Variants in COL11A1 observed in about 807,000 individuals in gnomAD.
The protein encoded by COL11A1 is collagen type XI alpha 1 chain, also known as collagen alpha-1(XI) chain.
A neutral mutation model predicts 265.2 loss-of-function variants in COL11A1; 74 were observed. The observed-to-expected ratio is 0.28, with a 90% CI of 0.23 to 0.34. The LOEUF (loss-of-function observed/expected upper bound fraction) is 0.34. Among genes scored for constraint, COL11A1 ranks in the 10% least tolerant of loss-of-function variants. COL11A1 has a pLI of 1.00. For synonymous variants in COL11A1, 816 were observed against 727.6 expected, an observed-to-expected ratio of 1.12 and a Z score of -1.96; for missense variants, 2,165 against 2,263.6, an observed-to-expected ratio of 0.96 and a Z score of 0.88.
At position 102,877,304 on chromosome 1, in the gene COL11A1, T is replaced by C. The variant is rs886044971; in HGVS notation, c.*715A>G. On this transcript the variant is annotated 3_prime_UTR_variant, in exon 67 of 67. Coordinates refer to ENST00000370096, the MANE Select transcript of COL11A1 (RefSeq NM_001854.4). ...GAATAAAGCATCAAAATGCATAATATTTTTGGCTGAAATTCAGCAAAATGA... is the reference window on the plus strand; with the variant it reads ...GAATAAAGCATCAAAATGCATAATACTTTTGGCTGAAATTCAGCAAAATGA... 1.3e-5 allele frequency: 2 copies of C among 152,542 alleles called. No individual in the cohort carries two copies. Among genetic ancestry groups the C allele is most frequent in the Non-Finnish European group, 2.9e-5 (2 of 68,004 alleles). The allele number at this position is 152,542 out of a possible 1,614,324, so 9.4% of individuals were successfully genotyped here. A position where few individuals can be genotyped will look rare whatever the true frequency, so the allele number is the denominator to read the frequency against.
Position 102,913,818 on chromosome 1 carries a change from T to C in COL11A1, c.3979-128A>G, listed in dbSNP as rs567582168. Reference sequence around the variant, plus strand: ...ATCAGATGGACAAGTAAAATCATTATATTCTTTTAACCTTTTTTAAAAAGA... The same window carrying C: ...ATCAGATGGACAAGTAAAATCATTACATTCTTTTAACCTTTTTTAAAAAGA... On this transcript the variant is annotated intron_variant, in intron 52 of 66. Transcript: ENST00000370096. 1.4e-4 allele frequency: 126 copies of C among 889,254 alleles called. 1 individual carries two copies. In the East Asian group the frequency reaches 3.1e-3, roughly 22 times the overall value. 55.1% of individuals were successfully genotyped at this position (889,254 alleles called of 1,614,324 possible). A position where few individuals can be genotyped will look rare whatever the true frequency, so the allele number is the denominator to read the frequency against.
At chr1:102,970,874 C>A (rs889027250) in intron 36 of COL11A1, among the ~76,000 whole-genome samples, 2 of 151,970 alleles carry the variant, frequency 1.3e-5, no homozygotes, top group African/African-American at 4.8e-5. Flanking sequence ...AGTAGCCGGG[C>A]GTGGTGGCAC....
chr1:102,976,745 A>T (rs964471641), intron 35 of COL11A1, among the ~76,000 whole-genome samples: 5 of 152,140 alleles, frequency 3.3e-5, no homozygotes, highest in South Asian at 2.1e-4. Context: ...ATAATGAATA[A>T]TTTTAATATG....
intron 49 of COL11A1, among the ~76,000 whole-genome samples, chr1:102,915,889 AG>A (rs1655275227): frequency 6.6e-6 from 1 of 152,208 alleles, no homozygotes. Flanking sequence ...AGAAATATGC[AG>A]GCTTGATGCT....
chr1:102,905,087 A>G (rs1249457838), intron 54 of COL11A1, among the ~76,000 whole-genome samples: 2 of 151,742 alleles, frequency 1.3e-5, no homozygotes, highest in Non-Finnish European at 1.5e-5. Context: ...CATGGATGAA[A>G]CTGGAAACCA....
At position 103,003,272 on chromosome 1, in the gene COL11A1, G is replaced by C. The variant is rs369850252; in HGVS notation, c.1945-4C>G. On this transcript the variant is annotated splice_region_variant and splice_polypyrimidine_tract_variant and intron_variant, in intron 20 of 66. Coordinates refer to ENST00000370096, the MANE Select transcript of COL11A1 (RefSeq NM_001854.4). ...GACCCAGCAAACCTCGTGGGCCCTA[G>C]GAGAAAAAGAAAAAGCACGCCTTTA... 1.8e-5 allele frequency: 29 copies of C among 1,611,812 alleles called. No individual in the cohort carries two copies. The highest frequency in any genetic ancestry group is 2.4e-5 in the Non-Finnish European group (28 of 1,179,280).
At chr1:102,949,925 G>A (rs1023617147) in intron 41 of COL11A1, among the ~76,000 whole-genome samples, 7 of 152,142 alleles carry the variant, frequency 4.6e-5, no homozygotes, top group African/African-American at 1.2e-4. Context: ...TGATGAAAAT[G>A]CTTGTCTCCT....
At chr1:103,071,467 C>CTTTTTTTTTTT (rs869263393) in intron 4 of COL11A1, among the ~76,000 whole-genome samples, 2 of 49,892 alleles carry the variant, frequency 4.0e-5, no homozygotes, top group Non-Finnish European at 7.7e-5. Flanking sequence ...GTTGGTAGGA[C>CTTTTTTTTTTT]TTTTTTTTTT....
At chr1:103,046,259 T>G (rs12048863) in intron 4 of COL11A1, among the ~76,000 whole-genome samples, 22,192 of 42,374 alleles carry the variant, frequency 0.52, 7,137 homozygotes, top group East Asian at 0.91. Context: ...TTCCTATTTC[T>G]CCACATCCTC....
At chr1:102,982,059 T>G (rs981107328) in intron 31 of COL11A1, among the ~76,000 whole-genome samples, 11 of 152,074 alleles carry the variant, frequency 7.2e-5, no homozygotes, top group African/African-American at 1.9e-4. Flanking sequence ...TTTTCATTTT[T>G]GATGTCCCAG....
At chr1:102,893,010 G>T (rs185936471) in intron 57 of COL11A1, among the ~76,000 whole-genome samples, 3 of 152,206 alleles carry the variant, frequency 2.0e-5, no homozygotes, top group Admixed American at 2.0e-4. Context: ...AGACCACAAT[G>T]AAATTGTCAA....
intron 41 of COL11A1, among the ~76,000 whole-genome samples, chr1:102,951,629 A>G (rs1336892637): frequency 6.6e-6 from 1 of 151,970 alleles, no homozygotes; most frequent in Non-Finnish European, 1.5e-5. Context: ...AGTCCCAGCT[A>G]CTCGGGAGGC....
intron 35 of COL11A1, 91 bp from the exon 36 acceptor site, chr1:102,974,974 A>C: frequency 1.1e-6 from 1 of 911,690 alleles, no homozygotes; most frequent in Non-Finnish European, 1.8e-6. Context: ...GACAAAATAC[A>C]ATGTATCATA....
intron 54 of COL11A1, among the ~76,000 whole-genome samples, chr1:102,909,165 G>A (rs1353076976): frequency 6.6e-6 from 1 of 152,140 alleles, no homozygotes; most frequent in Non-Finnish European, 1.5e-5. Context: ...TACCTTTCCA[G>A]GATGGGTGTG....
intron 28 of COL11A1, among the ~76,000 whole-genome samples, chr1:102,993,754 G>T (rs1408054698): frequency 4.6e-5 from 7 of 152,148 alleles, no homozygotes; most frequent in Non-Finnish European, 1.0e-4. Context: ...GCCCAGGCTG[G>T]TCTTGAACTA....
At chr1:103,003,749 C>A (rs960845670) in intron 20 of COL11A1, among the ~76,000 whole-genome samples, 2 of 152,112 alleles carry the variant, frequency 1.3e-5, no homozygotes, top group African/African-American at 2.4e-5. Context: ...ATTACAGAAA[C>A]CATTTTTCGA....
intron 5 of COL11A1, among the ~76,000 whole-genome samples, chr1:103,027,426 TA>T: frequency 7.6e-6 from 1 of 131,482 alleles, no homozygotes; most frequent in South Asian, 2.2e-4. Flanking sequence ...TATATATATA[TA>T]TATATATATA....
chr1:102,881,051 A>G (rs560809620), intron 65 of COL11A1, among the ~76,000 whole-genome samples: 6 of 152,070 alleles, frequency 3.9e-5, no homozygotes, highest in Non-Finnish European at 8.8e-5. Flanking sequence ...ATAAATGGAA[A>G]ATAATAGCTT....
intron 4 of COL11A1, among the ~76,000 whole-genome samples, chr1:103,052,027 C>G (rs1669875922): frequency 6.6e-6 from 1 of 151,980 alleles, no homozygotes; most frequent in Admixed American, 6.5e-5. Flanking sequence ...TGCTAAAGGC[C>G]AAAAATATTA....
Sources: gnomAD v4.1 joint callset for allele counts (sites outside exome capture counted in the v4.1 genomes callset) on GRCh38, gnomAD v4.1.1 for gene constraint, MANE v1.5 for transcripts, NCBI Gene and HGNC (gene_info 2026-07-23, HGNC 2026-07-21) for gene names.